Variants in SPAG16 observed in about 807,000 individuals in gnomAD.
The protein encoded by SPAG16 is sperm associated antigen 16.
SPAG16 carries 86 observed loss-of-function variants against 80.4 expected under a neutral mutation model. The ratio of observed to expected loss-of-function variants is 1.07; its 90% CI spans 0.90 to 1.28. SPAG16 has a LOEUF of 1.28. Among genes scored for constraint, SPAG16 ranks in the 50% most tolerant of loss-of-function variants. SPAG16 has a pLI of 0.00. For synonymous variants in SPAG16, 294 were observed against 265.9 expected, an observed-to-expected ratio of 1.11 and a Z score of -1.03; for missense variants, 870 against 765.3, an observed-to-expected ratio of 1.14 and a Z score of -1.61.
chr2:214,154,437 A>T (rs2056119901), intron 15 of SPAG16, among the ~76,000 whole-genome samples: 1 of 151,940 alleles, frequency 6.6e-6, no homozygotes, highest in Admixed American at 6.6e-5. Flanking sequence ...AATCGGAACC[A>T]CAATAGAAAT....
At chr2:213,873,554 TC>T (rs1292668924) in intron 11 of SPAG16, among the ~76,000 whole-genome samples, 1 of 151,918 alleles carries the variant, frequency 6.6e-6, no homozygotes, top group Non-Finnish European at 1.5e-5. Flanking sequence ...CTCTTCTTTT[TC>T]TACTTGCTTA....
intron 15 of SPAG16, among the ~76,000 whole-genome samples, chr2:214,193,801 A>C (rs923826093): frequency 3.3e-5 from 5 of 152,238 alleles, no homozygotes; most frequent in African/African-American, 1.2e-4. Flanking sequence ...CAAGTGAGAA[A>C]ATGTGGCTAT....
At chr2:213,925,644 G>T (rs2078436826) in intron 11 of SPAG16, among the ~76,000 whole-genome samples, 1 of 152,130 alleles carries the variant, frequency 6.6e-6, no homozygotes, top group Non-Finnish European at 1.5e-5. Context: ...GGGCCTCTAT[G>T]CCCAGCCTTG....
intron 5 of SPAG16, among the ~76,000 whole-genome samples, chr2:213,336,710 A>G (rs35041810): frequency 0.25 from 37,881 of 152,062 alleles, 5,446 homozygotes; most frequent in Middle Eastern, 0.44. Flanking sequence ...GCATCCCTAG[A>G]CAGGAGTTTA....
chr2:213,329,638 T>C (rs568864840), intron 5 of SPAG16, among the ~76,000 whole-genome samples: 7 of 152,300 alleles, frequency 4.6e-5, no homozygotes, highest in African/African-American at 1.7e-4. Flanking sequence ...TGCAGCTTGA[T>C]GATGTGGTAG....
chr2:214,367,009 C>T (rs1011873051), intron 15 of SPAG16, among the ~76,000 whole-genome samples: 1 of 152,134 alleles, frequency 6.6e-6, no homozygotes, highest in South Asian at 2.1e-4. Context: ...TCTACTATTG[C>T]TCTTGGCCTC....
intron 11 of SPAG16, among the ~76,000 whole-genome samples, chr2:213,900,238 G>A (rs75709940): frequency 0.011 from 1,738 of 152,142 alleles, 18 homozygotes; most frequent in Non-Finnish European, 0.018. Flanking sequence ...TGCATCACAG[G>A]GGGGATTTTT....
intron 3 of SPAG16, among the ~76,000 whole-genome samples, chr2:213,301,581 C>T (rs1046777239): frequency 4.6e-5 from 7 of 152,138 alleles, no homozygotes; most frequent in African/African-American, 1.2e-4. Flanking sequence ...TCTTTACCTT[C>T]ATCCTCACTT....
intron 15 of SPAG16, among the ~76,000 whole-genome samples, chr2:214,338,322 T>C (rs1697440075): frequency 6.6e-6 from 1 of 151,966 alleles, no homozygotes; most frequent in African/African-American, 2.4e-5. Context: ...AAGACCAGCC[T>C]GGCCAATATG....
At chr2:213,765,992 G>A (rs1325502568) in intron 10 of SPAG16, among the ~76,000 whole-genome samples, 1 of 152,210 alleles carries the variant, frequency 6.6e-6, no homozygotes, top group Non-Finnish European at 1.5e-5. Flanking sequence ...ACTGACCTTG[G>A]ACTGAAAGGT....
At chr2:213,677,823 C>T (rs2064167359) in intron 10 of SPAG16, among the ~76,000 whole-genome samples, 1 of 152,130 alleles carries the variant, frequency 6.6e-6, no homozygotes, top group Non-Finnish European at 1.5e-5. Context: ...ACATTTTTTT[C>T]AGAACCACAC....
At chr2:213,724,380 G>T (rs2066659777) in intron 10 of SPAG16, among the ~76,000 whole-genome samples, 1 of 152,062 alleles carries the variant, frequency 6.6e-6, no homozygotes, top group Admixed American at 6.6e-5. Flanking sequence ...AGAAAGATAA[G>T]ACTAAAATGT....
intron 9 of SPAG16, among the ~76,000 whole-genome samples, chr2:213,385,792 C>CA (rs2067397606): frequency 6.7e-6 from 1 of 149,332 alleles, no homozygotes; most frequent in Non-Finnish European, 1.5e-5. Flanking sequence ...TCATCTCTGT[C>CA]CACACACACA....
intron 10 of SPAG16, among the ~76,000 whole-genome samples, chr2:213,554,732 C>T: frequency 6.7e-6 from 1 of 149,928 alleles, no homozygotes; most frequent in Non-Finnish European, 1.5e-5. Flanking sequence ...AGTGTCAAAG[C>T]AGAATTAGTC....
intron 13 of SPAG16, among the ~76,000 whole-genome samples, chr2:214,025,857 T>C (rs958687051): frequency 6.6e-6 from 1 of 151,480 alleles, no homozygotes; most frequent in African/African-American, 2.4e-5. Context: ...CACTTGTGCA[T>C]TCTATATATA....
At chr2:213,947,451 C>T (rs971765890) in intron 12 of SPAG16, among the ~76,000 whole-genome samples, 3 of 152,054 alleles carry the variant, frequency 2.0e-5, no homozygotes, top group Non-Finnish European at 4.4e-5. Flanking sequence ...TAATGTTAGA[C>T]ATCTTATTAT....
intron 15 of SPAG16, among the ~76,000 whole-genome samples, chr2:214,325,605 C>G (rs1696416759): frequency 6.6e-6 from 1 of 151,990 alleles, no homozygotes; most frequent in Admixed American, 6.6e-5. Context: ...TATCTTGGGT[C>G]AAATCATGCC....
chr2:214,001,360 G>A (rs1265018871), intron 12 of SPAG16, among the ~76,000 whole-genome samples: 1 of 152,042 alleles, frequency 6.6e-6, no homozygotes, highest in African/African-American at 2.4e-5. Context: ...ATGGTTTTAA[G>A]TCATGGAATT....
At chr2:213,331,864 A>G (rs986082014) in intron 5 of SPAG16, among the ~76,000 whole-genome samples, 3 of 152,168 alleles carry the variant, frequency 2.0e-5, no homozygotes, top group Admixed American at 6.5e-5. Context: ...ACCATAATCT[A>G]TGGGATACAG....
Sources: allele counts gnomAD v4.1 joint callset (sites outside exome capture counted in the v4.1 genomes callset), GRCh38; gene constraint gnomAD v4.1.1; transcripts MANE v1.5; gene names NCBI Gene and HGNC (gene_info 2026-07-23, HGNC 2026-07-21).